NAA35: variants seen among roughly 807,000 people sequenced by gnomAD.
The protein encoded by NAA35 is MAK10 homolog, amino-acid N-acetyltransferase subunit.
In NAA35, 18 loss-of-function variants were observed where a neutral mutation model predicts 101.7. The observed-to-expected ratio is 0.18, with a 90% CI of 0.12 to 0.26. The LOEUF (loss-of-function observed/expected upper bound fraction) is 0.26. Among genes scored for constraint, NAA35 ranks in the 10% least tolerant of loss-of-function variants. The pLI is 1.00. For missense variants in NAA35, 601 were observed against 886.8 expected, an observed-to-expected ratio of 0.68 and a Z score of 4.09; for synonymous variants, 267 against 273.1, an observed-to-expected ratio of 0.98 and a Z score of 0.22.
rs1587665698 is a variant in NAA35 at position 86,015,180 on chromosome 9, C to A, written c.1568+1283C>A. Among the ~76,000 whole-genome samples the A allele has an allele frequency of 2.0e-5, 3 of 151,992 alleles. No individual in the cohort carries two copies. The South Asian group carries it at 6.2e-4, about 32-fold the overall frequency. Reference sequence around the variant, plus strand: ...AATATTATTTTTATATGCTTTTTTGCACAGAGAATTGGGATCTTAATTGAG... The same window carrying A: ...AATATTATTTTTATATGCTTTTTTGAACAGAGAATTGGGATCTTAATTGAG... On this transcript the variant is annotated intron_variant, in intron 17 of 22. Coordinates refer to ENST00000361671, the MANE Select transcript of NAA35 (RefSeq NM_024635.4).
chr9:86,001,047 A>G, intron 12 of NAA35, among the ~76,000 whole-genome samples: 1 of 152,098 alleles, frequency 6.6e-6, no homozygotes, highest in Admixed American at 6.6e-5. Context: ...CGTTCTTAAC[A>G]CTGCTTTAGC....
At chr9:85,945,603 C>T (rs1230823882) in intron 2 of NAA35, among the ~76,000 whole-genome samples, 1 of 151,558 alleles carries the variant, frequency 6.6e-6, no homozygotes. Context: ...TCGGCTCACT[C>T]GACCTCCCGG....
At chr9:86,015,698 AC>A in intron 17 of NAA35, 2 of 902,634 alleles carry the variant, frequency 2.2e-6, no homozygotes, top group Non-Finnish European at 2.7e-6. Context: ...TTGATAAAGC[AC>A]TTAATAAAAG....
intron 18 of NAA35, 69 bp from the exon 19 acceptor site, chr9:86,017,429 T>C (rs2118488465): frequency 1.4e-6 from 2 of 1,391,524 alleles, no homozygotes; most frequent in South Asian, 2.5e-5. Flanking sequence ...AATTAGATTT[T>C]CTTTTGCAGT....
At chr9:85,951,943 G>A (rs1245751195) in intron 2 of NAA35, among the ~76,000 whole-genome samples, 1 of 152,192 alleles carries the variant, frequency 6.6e-6, no homozygotes, top group Non-Finnish European at 1.5e-5. Context: ...GATTACGGGC[G>A]TGAGCCACTG....
chr9:86,011,551 G>A (rs1831919249), intron 15 of NAA35, among the ~76,000 whole-genome samples: 2 of 150,954 alleles, frequency 1.3e-5, no homozygotes. Flanking sequence ...TGTGGAGACA[G>A]GTTCACCCTG....
chr9:85,957,179 T>G (rs540040462), intron 3 of NAA35, among the ~76,000 whole-genome samples: 157 of 152,310 alleles, frequency 1.0e-3, no homozygotes, highest in Middle Eastern at 0.01. Context: ...AACCATTGAT[T>G]AACACATATT....
At chr9:85,961,992 T>A in intron 5 of NAA35, 21 bp from the exon 6 acceptor site, 1 of 1,584,704 alleles carries the variant, frequency 6.3e-7, no homozygotes, top group Non-Finnish European at 8.6e-7. Context: ...CTTAAATATA[T>A]ACTCTTTTGT....
intron 11 of NAA35, chr9:85,986,637 T>A (rs1587620446): frequency 2.9e-6 from 1 of 346,356 alleles, no homozygotes; most frequent in African/African-American, 2.2e-5. Flanking sequence ...TAGGCTGGAG[T>A]GCAATGGCGT....
chr9:85,962,235 A>G, intron 6 of NAA35, 55 bp downstream of exon 6: 1 of 1,563,128 alleles, frequency 6.4e-7, no homozygotes, highest in East Asian at 2.3e-5. Context: ...TCATGCCTGT[A>G]ATCTCAGCAG....
chr9:86,011,024 C>T (rs1831898425), intron 15 of NAA35, among the ~76,000 whole-genome samples: 1 of 151,280 alleles, frequency 6.6e-6, no homozygotes. Flanking sequence ...AGGTGGATCA[C>T]CTGAGGTCGG....
intron 11 of NAA35, among the ~76,000 whole-genome samples, chr9:85,981,108 A>G (rs57996366): frequency 7.3e-4 from 111 of 152,246 alleles, no homozygotes; most frequent in East Asian, 2.1e-3. Context: ...TTGTGTTTCT[A>G]CTAGTTGTGC....
At chr9:85,980,052 G>A (rs569268817) in intron 11 of NAA35, among the ~76,000 whole-genome samples, 2 of 152,240 alleles carry the variant, frequency 1.3e-5, no homozygotes, top group South Asian at 2.1e-4. Context: ...TGGCTGGAGC[G>A]AGTCACAGAA....
intron 11 of NAA35, among the ~76,000 whole-genome samples, chr9:85,981,239 C>T (rs1015862933): frequency 6.6e-6 from 1 of 152,046 alleles, no homozygotes; most frequent in Non-Finnish European, 1.5e-5. Context: ...TGCATAGCAA[C>T]GTAGTAGTAC....
chr9:85,986,751 A>G (rs1830666924), intron 11 of NAA35: 1 of 276,004 alleles, frequency 3.6e-6, no homozygotes, highest in Non-Finnish European at 7.0e-6. Flanking sequence ...TGCCCGGCTA[A>G]CTTTTTGTAT....
At position 86,016,139 on chromosome 9, in the gene NAA35, A is replaced by G. The variant is rs546885028; in HGVS notation, c.1569-400A>G. ...TATATTTCATTTATTAAATAAACTC[A>G]AGTAAATTGTAAATGTGAATGTTCT... On this transcript the variant is annotated intron_variant, in intron 17 of 22. Transcript: ENST00000361671. Among the ~76,000 whole-genome samples the G allele has an allele frequency of 8.1e-4, 109 of 134,040 alleles. 1 individual carries two copies. The highest frequency in any genetic ancestry group is 9.4e-4 in the African/African-American group (23 of 24,556). 87.9% of individuals were successfully genotyped at this position (134,040 alleles called of 152,430 possible).
At chr9:86,017,621 G>T in intron 19 of NAA35, 56 bp downstream of exon 19, 2 of 1,360,198 alleles carry the variant, frequency 1.5e-6, no homozygotes, top group Non-Finnish European at 1.0e-6. Flanking sequence ...CTATTATATA[G>T]TTTATTTAAA....
At chr9:85,976,460 A>G (rs1830216255) in intron 8 of NAA35, among the ~76,000 whole-genome samples, 1 of 152,136 alleles carries the variant, frequency 6.6e-6, no homozygotes, top group Non-Finnish European at 1.5e-5. Flanking sequence ...TGCTGTTTGA[A>G]TACTTAATTC....
intron 4 of NAA35, among the ~76,000 whole-genome samples, chr9:85,959,081 A>T (rs1021048966): frequency 2.0e-5 from 3 of 152,178 alleles, no homozygotes; most frequent in Admixed American, 6.5e-5. Flanking sequence ...CATTTTAAAA[A>T]ATCTTTAGTT....
Sources: gnomAD v4.1 joint callset for allele counts (sites outside exome capture counted in the v4.1 genomes callset) on GRCh38, gnomAD v4.1.1 for gene constraint, MANE v1.5 for transcripts, NCBI Gene and HGNC (gene_info 2026-07-23, HGNC 2026-07-21) for gene names.